GABRA2: variants seen among roughly 807,000 people sequenced by gnomAD.
GABRA2 encodes gamma-aminobutyric acid type A receptor subunit alpha2, also known as gamma-aminobutyric acid receptor subunit alpha-2.
A neutral mutation model predicts 48.7 loss-of-function variants in GABRA2; 16 were observed. That is an observed-to-expected ratio of 0.33 (90% CI 0.22 to 0.50). The LOEUF is 0.50. Ranked by LOEUF, GABRA2 falls within the 20% of genes least tolerant of loss-of-function variation. GABRA2 has a pLI of 0.98. For synonymous variants in GABRA2, 185 were observed against 184.5 expected, an observed-to-expected ratio of 1.00 and a Z score of -0.02; for missense variants, 275 against 535.6, an observed-to-expected ratio of 0.51 and a Z score of 4.80.
chr4:46,309,790 G>T (rs1312055440), intron 6 of GABRA2, among the ~76,000 whole-genome samples: 1 of 151,970 alleles, frequency 6.6e-6, no homozygotes, highest in African/African-American at 2.4e-5. Flanking sequence ...TTTGCAACAG[G>T]CTGATTGCCA....
intron 3 of GABRA2, among the ~76,000 whole-genome samples, chr4:46,369,979 T>G (rs1389776417): frequency 6.6e-6 from 1 of 152,140 alleles, no homozygotes; most frequent in Non-Finnish European, 1.5e-5. Flanking sequence ...GTCCAAAGTC[T>G]ATTTTTAAAT....
At position 46,388,719 on chromosome 4, in the gene GABRA2, T is replaced by A. The variant is rs1481300452; in HGVS notation, c.-10-3A>T. 6.2e-7 allele frequency: 1 copy of A among 1,613,850 alleles called. No individual in the cohort carries two copies. The highest frequency in any genetic ancestry group is 1.3e-5 in the African/African-American group (1 of 74,918). On this transcript the variant is annotated splice_region_variant and splice_polypyrimidine_tract_variant and intron_variant, in intron 1 of 9. Coordinates refer to ENST00000381620, the MANE Select transcript of GABRA2 (RefSeq NM_000807.4). ...ATTTTGTCTTCATCACCGCCGCTCT[T>A]TACAAAGCCATGGAATGAAAAACAA...
chr4:46,298,171 T>C (rs1247410969), intron 8 of GABRA2, among the ~76,000 whole-genome samples: 1 of 152,120 alleles, frequency 6.6e-6, no homozygotes, highest in East Asian at 1.9e-4. Context: ...TTCTAACAAA[T>C]GTTTCATGGT....
chr4:46,345,326 T>C (rs1250314676), intron 3 of GABRA2, among the ~76,000 whole-genome samples: 2 of 151,874 alleles, frequency 1.3e-5, no homozygotes, highest in Non-Finnish European at 2.9e-5. Context: ...GTAAGACCAA[T>C]TTAGTATCTA....
chr4:46,283,981 C>A (rs921413414), intron 8 of GABRA2, among the ~76,000 whole-genome samples: 2 of 151,360 alleles, frequency 1.3e-5, no homozygotes, highest in African/African-American at 2.4e-5. Flanking sequence ...GGATGGTCTC[C>A]ATCTCCTGAC....
At chr4:46,302,074 C>CTTT (rs58568555) in intron 8 of GABRA2, among the ~76,000 whole-genome samples, 1 of 145,288 alleles carries the variant, frequency 6.9e-6, no homozygotes, top group African/African-American at 2.5e-5. Flanking sequence ...TCATTTTATT[C>CTTT]TTTTTTTTTT....
At chr4:46,325,945 C>G (rs1316437900) in intron 4 of GABRA2, among the ~76,000 whole-genome samples, 1 of 151,816 alleles carries the variant, frequency 6.6e-6, no homozygotes, top group Non-Finnish European at 1.5e-5. Flanking sequence ...TGTTTTTGTA[C>G]CAGTACCATG....
intron 4 of GABRA2, among the ~76,000 whole-genome samples, chr4:46,330,272 T>A (rs1474154716): frequency 6.6e-6 from 1 of 152,042 alleles, no homozygotes; most frequent in African/African-American, 2.4e-5. Context: ...AATTTACAGA[T>A]AAAGCACAGC....
chr4:46,354,114 G>T (rs1175741975), intron 3 of GABRA2, among the ~76,000 whole-genome samples: 1 of 152,026 alleles, frequency 6.6e-6, no homozygotes, highest in African/African-American at 2.4e-5. Context: ...ATTTTATTTT[G>T]TCTCATAAAC....
chr4:46,354,361 T>C (rs1735638496), intron 3 of GABRA2, among the ~76,000 whole-genome samples: 3 of 152,164 alleles, frequency 2.0e-5, no homozygotes, highest in Admixed American at 2.0e-4. Context: ...GATTTAAGCT[T>C]TCTGGACTGA....
chr4:46,309,758 G>A (rs968017136), intron 6 of GABRA2, among the ~76,000 whole-genome samples: 8 of 152,058 alleles, frequency 5.3e-5, no homozygotes, highest in African/African-American at 9.7e-5. Context: ...CAATGACACA[G>A]ACTAAGCTTC....
chr4:46,306,042 T>A (rs1726632067), intron 6 of GABRA2, among the ~76,000 whole-genome samples: 1 of 152,158 alleles, frequency 6.6e-6, no homozygotes, highest in Non-Finnish European at 1.5e-5. Flanking sequence ...ATGAAGACAC[T>A]GTGGTAAAAT....
chr4:46,365,531 G>C (rs1038091653), intron 3 of GABRA2: 2 of 152,012 alleles, frequency 1.3e-5, no homozygotes, highest in Non-Finnish European at 2.9e-5. Flanking sequence ...AAAATCAAAA[G>C]GCACATGGGA....
At chr4:46,388,360 T>A (rs959695000) in intron 2 of GABRA2, among the ~76,000 whole-genome samples, 1 of 152,242 alleles carries the variant, frequency 6.6e-6, no homozygotes, top group African/African-American at 2.4e-5. Context: ...ATTAATCACT[T>A]CAATTCCTTG....
At chr4:46,383,364 G>A (rs1033022579) in intron 3 of GABRA2, among the ~76,000 whole-genome samples, 3 of 152,156 alleles carry the variant, frequency 2.0e-5, no homozygotes, top group East Asian at 3.9e-4. Context: ...CATTAAGAGC[G>A]ATACTCAACA....
chr4:46,341,101 T>C (rs757766375), intron 3 of GABRA2, among the ~76,000 whole-genome samples: 2 of 152,030 alleles, frequency 1.3e-5, no homozygotes, highest in Non-Finnish European at 2.9e-5. Flanking sequence ...TCCATCTCTT[T>C]GTCATTATTC....
Position 46,257,660 on chromosome 4 carries a change from A to C in GABRA2, c.1059+4266T>G, listed in dbSNP as rs184413660. 1.2e-4 allele frequency among the ~76,000 whole-genome samples: 18 copies of C among 151,880 alleles called. No individual in the cohort carries two copies. The East Asian group carries it at 3.3e-3, about 28-fold the overall frequency. Reference sequence around the variant, plus strand: ...AGCTCCTTGAATAACTGCCTTTAATAATTGATTAAAGAACTGAAGAGTTAG... The same window carrying C: ...AGCTCCTTGAATAACTGCCTTTAATCATTGATTAAAGAACTGAAGAGTTAG... On this transcript the variant is annotated intron_variant, in intron 9 of 9. Transcript: ENST00000381620.
chr4:46,329,615 G>A (rs1037910735), intron 4 of GABRA2, among the ~76,000 whole-genome samples: 1 of 152,096 alleles, frequency 6.6e-6, no homozygotes, highest in Non-Finnish European at 1.5e-5. Context: ...TGTGGCCCTA[G>A]AAGTAGATAT....
chr4:46,363,602 C>T (rs1367558103), intron 3 of GABRA2: 1 of 152,040 alleles, frequency 6.6e-6, no homozygotes, highest in Non-Finnish European at 1.5e-5. Context: ...GAAAAATAAA[C>T]TTTATTATAT....
Sources: allele counts gnomAD v4.1 joint callset (sites outside exome capture counted in the v4.1 genomes callset), GRCh38; gene constraint gnomAD v4.1.1; transcripts MANE v1.5; gene names NCBI Gene and HGNC (gene_info 2026-07-23, HGNC 2026-07-21).